STYXL1: variants seen among roughly 807,000 people sequenced by gnomAD.
STYXL1 encodes serine/threonine/tyrosine-interacting-like protein 1.
A neutral mutation model predicts 36.4 loss-of-function variants in STYXL1; 32 were observed. The ratio of observed to expected loss-of-function variants is 0.88; its 90% CI spans 0.66 to 1.18. The LOEUF (loss-of-function observed/expected upper bound fraction) is 1.18. STYXL1 is among the 50% of genes most tolerant of loss of function. The probability of loss-of-function intolerance (pLI) is 0.00; values close to 1 mark genes in which losing one functional copy is unlikely to be tolerated. For missense variants in STYXL1, 354 were observed against 394.1 expected, an observed-to-expected ratio of 0.90 and a Z score of 0.86; for synonymous variants, 133 against 144.1, an observed-to-expected ratio of 0.92 and a Z score of 0.55.
chr7:76,024,240 C>T (rs1794410152), intron 3 of STYXL1, among the ~76,000 whole-genome samples: 1 of 152,050 alleles, frequency 6.6e-6, no homozygotes, highest in Admixed American at 6.6e-5. Flanking sequence ...GGAGACGTTC[C>T]CCTCAAAAAG....
Position 76,021,977 on chromosome 7 carries a change from G to T in STYXL1, c.181C>A (p.Leu61Ile), listed in dbSNP as rs895564431. 8 of 1,604,306 alleles carry T rather than the reference G, an allele frequency of 5.0e-6. No individual in the cohort carries two copies. Among genetic ancestry groups the T allele is most frequent in the Admixed American group, 1.7e-5 (1 of 58,188 alleles). Residue 61 changes from leucine to isoleucine, a missense_variant, in exon 4 of 9, where the codon CTT (leucine) becomes ATT (isoleucine). Leu to Ile is a conservative substitution (Grantham distance 5). Transcript: ENST00000359697. ...LRVKKKNNEYLLPESVDLECV... is the reference protein window; with the variant it reads ...LRVKKKNNEYILPESVDLECV... ...TCCAGGTCCACAGACTCCGGGAGAA[G>T]ATATTCATTATTTTTCTTAAAAAAA...
rs1223514094 is a variant in STYXL1 at position 76,046,354 on chromosome 7, G to A, written c.-5+1308C>T. Among the ~76,000 whole-genome samples the A allele has an allele frequency of 6.3e-5, 8 of 127,946 alleles. No individual in the cohort carries two copies. In the East Asian group the frequency reaches 1.5e-3, roughly 23 times the overall value. 83.9% of individuals were successfully genotyped at this position (127,946 alleles called of 152,430 possible). On this transcript the variant is annotated intron_variant, in intron 1 of 8. Transcript: ENST00000359697. ...TGTGTGTGTGTGCGCGCGCGCGCGC[G>A]CGCGCTTTTGAGCCGGAGTTTAGCT... is the stretch of plus-strand genomic sequence containing the variant.
chr7:76,024,948 C>CAAAAAAAA (rs56728505), intron 3 of STYXL1, among the ~76,000 whole-genome samples: 2 of 72,396 alleles, frequency 2.8e-5, no homozygotes, highest in African/African-American at 6.0e-5. Context: ...GACTCTGTCT[C>CAAAAAAAA]AAAAAAAAAA....
intron 4 of STYXL1, among the ~76,000 whole-genome samples, chr7:76,019,654 G>A (rs1554575375): frequency 6.6e-6 from 1 of 151,944 alleles, no homozygotes; most frequent in Non-Finnish European, 1.5e-5. Flanking sequence ...GACACTTCCA[G>A]AAGGGGCTGT....
At chr7:76,032,697 C>T (rs55948004) in intron 1 of STYXL1, among the ~76,000 whole-genome samples, 17,838 of 151,844 alleles carry the variant, frequency 0.12, 2,071 homozygotes, top group African/African-American at 0.3. Context: ...GTAACTTTGT[C>T]TCAAAAAAAC....
intron 1 of STYXL1, among the ~76,000 whole-genome samples, chr7:76,031,388 G>C (rs1795323491): frequency 7.3e-6 from 1 of 137,800 alleles, no homozygotes; most frequent in Non-Finnish European, 1.6e-5. Flanking sequence ...ACAAAGATGA[G>C]AGTAACCAAG....
intron 1 of STYXL1, among the ~76,000 whole-genome samples, chr7:76,047,329 C>G (rs145219065): frequency 6.6e-6 from 1 of 152,328 alleles, no homozygotes; most frequent in African/African-American, 2.4e-5. Context: ...GACTTTCTGT[C>G]TGCGTAAACT....
At position 76,013,652 on chromosome 7, in the gene STYXL1, C is replaced by T. The variant is rs1792885433; in HGVS notation, c.453+90G>A. 3.8e-6 allele frequency: 6 copies of T among 1,566,300 alleles called. No individual in the cohort carries two copies. The Admixed American group carries it at 6.8e-5, about 18-fold the overall frequency. ...CTTTCTCTATATCCTCTGTCCCATC[C>T]TCCTGTTTCTCCCACTCAGTCACCC... On this transcript the variant is annotated intron_variant, in intron 5 of 8. Coordinates refer to ENST00000359697, the MANE Select transcript of STYXL1 (RefSeq NM_001317785.2).
intron 4 of STYXL1, among the ~76,000 whole-genome samples, chr7:76,019,288 T>C (rs1206318351): frequency 2.0e-5 from 3 of 151,928 alleles, no homozygotes; most frequent in Admixed American, 2.0e-4. Flanking sequence ...TTTTCTTTTT[T>C]TTTTTTTTTT....
intron 4 of STYXL1, among the ~76,000 whole-genome samples, chr7:76,019,304 CG>C (rs1175976177): frequency 2.1e-5 from 3 of 142,724 alleles, no homozygotes; most frequent in African/African-American, 7.8e-5. Context: ...TTTTTAAATA[CG>C]TTTTTTTTAG....
chr7:76,023,285 A>C (rs550532712), intron 3 of STYXL1, among the ~76,000 whole-genome samples: 1 of 152,146 alleles, frequency 6.6e-6, no homozygotes, highest in African/African-American at 2.4e-5. Flanking sequence ...CTGGACAGAG[A>C]CACCTTTCTT....
chr7:76,011,613 A>G (rs554743606), intron 5 of STYXL1, among the ~76,000 whole-genome samples: 5 of 152,246 alleles, frequency 3.3e-5, no homozygotes, highest in Admixed American at 6.5e-5. Flanking sequence ...GAAAAAGTTA[A>G]AACCACTTTC....
intron 7 of STYXL1, 66 bp downstream of exon 7, chr7:76,003,692 G>A: frequency 7.0e-7 from 1 of 1,428,306 alleles, no homozygotes. Context: ...CTGTGAAGGA[G>A]GCTCCACTGC....
chr7:76,005,836 G>GGAGGAGGAAGAGAGAGGAGGAGA (rs879988527), intron 5 of STYXL1, among the ~76,000 whole-genome samples: 1 of 126,036 alleles, frequency 7.9e-6, no homozygotes, highest in African/African-American at 3.1e-5. Flanking sequence ...GGAAGAGAGA[G>GGAGGAGGAAGAGAGAGGAGGAGA]GAGGAGGAAG....
At chr7:76,028,835 A>G in intron 2 of STYXL1, 132 bp from the exon 3 acceptor site, 1 of 837,432 alleles carries the variant, frequency 1.2e-6, no homozygotes. Flanking sequence ...TTAAAACTTG[A>G]GATGTGGGGC....
intron 1 of STYXL1, among the ~76,000 whole-genome samples, chr7:76,042,241 C>G (rs1796535390): frequency 6.6e-6 from 1 of 152,034 alleles, no homozygotes; most frequent in African/African-American, 2.4e-5. Context: ...CACATTTGAC[C>G]AGCATTTTCC....
intron 1 of STYXL1, among the ~76,000 whole-genome samples, chr7:76,038,942 A>G (rs1366116936): frequency 2.8e-5 from 3 of 106,706 alleles, no homozygotes; most frequent in Admixed American, 1.2e-4. Context: ...GTGCACCATC[A>G]TGCCTAATTT....
chr7:76,039,570 A>C (rs1181802267), intron 1 of STYXL1, among the ~76,000 whole-genome samples: 1 of 152,192 alleles, frequency 6.6e-6, no homozygotes, highest in Non-Finnish European at 1.5e-5. Context: ...CTGGCACAGA[A>C]GAAAGAAAGA....
chr7:76,033,307 G>A (rs1795575728), intron 1 of STYXL1, among the ~76,000 whole-genome samples: 1 of 152,054 alleles, frequency 6.6e-6, no homozygotes, highest in South Asian at 2.1e-4. Flanking sequence ...ATCATGCCCG[G>A]CTAAGTTTTG....
Sources: allele counts gnomAD v4.1 joint callset (sites outside exome capture counted in the v4.1 genomes callset), GRCh38; gene constraint gnomAD v4.1.1; transcripts MANE v1.5; gene names NCBI Gene and HGNC (gene_info 2026-07-23, HGNC 2026-07-21).